COL10A1: variants seen among roughly 807,000 people sequenced by gnomAD.
COL10A1 encodes the protein collagen type X alpha 1 chain, also known as collagen alpha-1(X) chain.
COL10A1 carries 10 observed loss-of-function variants against 18.2 expected under a neutral mutation model. The ratio of observed to expected loss-of-function variants is 0.55; its 90% confidence interval spans 0.34 to 0.93. The LOEUF is 0.93. Ranked by LOEUF, COL10A1 falls within the 40% of genes least tolerant of loss-of-function variation. The pLI, the probability that COL10A1 is intolerant of heterozygous loss-of-function variation, is 0.02. For missense variants in COL10A1, 897 were observed against 853.5 expected (o/e 1.05, Z -0.64); for synonymous variants, 330 against 316.6 (o/e 1.04, Z -0.45).
upstream of COL10A1, among the ~76,000 whole-genome samples, chr6:116,129,153 A>T (rs191930247): frequency 3.0e-3 from 464 of 152,280 alleles, 2 homozygotes; most frequent in African/African-American, 0.01. Flanking sequence ...TCATCATCGT[A>T]TTAAAAAATC....
chr6:116,132,301 G>A (rs1283884239), intron 1 of COL10A1, among the ~76,000 whole-genome samples: 1 of 152,096 alleles, frequency 6.6e-6, no homozygotes, highest in Non-Finnish European at 1.5e-5. Flanking sequence ...TCTCAGTCTA[G>A]TTGTAGTTTT....
the COL10A1 span, among the ~76,000 whole-genome samples, chr6:116,212,772 T>C: frequency 6.6e-6 from 1 of 152,148 alleles, no homozygotes; most frequent in African/African-American, 2.4e-5. Context: ...AATTGATTAT[T>C]ATTTTCAGTT....
chr6:116,122,720 A>G (rs1034327464), intron 2 of COL10A1, among the ~76,000 whole-genome samples: 3 of 152,196 alleles, frequency 2.0e-5, no homozygotes, highest in African/African-American at 7.2e-5. Flanking sequence ...CAGGGTACAG[A>G]TGTTTCTGAG....
the COL10A1 span, among the ~76,000 whole-genome samples, chr6:116,190,410 G>A: frequency 6.6e-6 from 1 of 151,920 alleles, no homozygotes; most frequent in African/African-American, 2.4e-5. Context: ...TAGAAACAGA[G>A]GGGAAATGTG....
chr6:116,203,914 A>G, the COL10A1 span, among the ~76,000 whole-genome samples: 1 of 151,938 alleles, frequency 6.6e-6, no homozygotes, highest in Non-Finnish European at 1.5e-5. Context: ...TATAATTATT[A>G]TCATAATTTA....
chr6:116,213,657 C>G, the COL10A1 span, among the ~76,000 whole-genome samples: 3 of 152,042 alleles, frequency 2.0e-5, no homozygotes, highest in Non-Finnish European at 4.4e-5. Flanking sequence ...AATTTAACAT[C>G]TGTTCTATGT....
At chr6:116,144,374 G>A (rs138260310) in intron 1 of COL10A1, among the ~76,000 whole-genome samples, 2 of 152,022 alleles carry the variant, frequency 1.3e-5, no homozygotes, top group Non-Finnish European at 2.9e-5. Context: ...GATGGTGCAC[G>A]CCTGTAGTCC....
chr6:116,180,381 A>C, the COL10A1 span, among the ~76,000 whole-genome samples: 1 of 152,044 alleles, frequency 6.6e-6, no homozygotes, highest in Non-Finnish European at 1.5e-5. Context: ...TCCAGCTTTT[A>C]AAAAATGAAA....
intron 1 of COL10A1, among the ~76,000 whole-genome samples, chr6:116,139,225 G>T (rs1240165070): frequency 6.6e-6 from 1 of 152,090 alleles, no homozygotes; most frequent in Non-Finnish European, 1.5e-5. Context: ...TCAAAGTGTG[G>T]ATTTTTTGGG....
chr6:116,120,708 C>G lies in COL10A1; in HGVS notation c.1408G>C (p.Gly470Arg). ...PGFPGSKGDP[G>R]SPGPPGPAGI... is the part of the protein sequence containing the mutation. ...GCTGGGCCAGGAGGACCGGGACTTC[C>G]TGGATCCCCTTTAGACCCAGGGAAT... Residue 470 changes from glycine to arginine, a missense_variant, in exon 3 of 3, where the codon GGA (glycine) becomes CGA (arginine). Coordinates refer to ENST00000651968, the MANE Select transcript of COL10A1 (RefSeq NM_000493.4). The G allele has an allele frequency of 6.4e-7, 1 of 1,560,556 alleles. No individual in the cohort carries two copies. Among genetic ancestry groups the G allele is most frequent in the East Asian group, 2.2e-5 (1 of 44,526 alleles).
the COL10A1 span, among the ~76,000 whole-genome samples, chr6:116,200,027 G>C: frequency 6.6e-6 from 1 of 150,448 alleles, no homozygotes; most frequent in Non-Finnish European, 1.5e-5. Context: ...TTTGCAGTGG[G>C]GCAACCTGAC....
At chr6:116,196,044 G>A in the COL10A1 span, among the ~76,000 whole-genome samples, 3 of 152,006 alleles carry the variant, frequency 2.0e-5, no homozygotes, top group East Asian at 3.9e-4. Flanking sequence ...TGGTGTTGTC[G>A]GGTTGTTAAG....
rs189879417 is a variant in COL10A1, at chr6:116,135,903, A to G, written c.-15-10396T>C. On this transcript the variant is annotated intron_variant, in intron 1 of 1. Transcript: ENST00000418500. ...CATACACACACATTGCTAAATGGTT[A>G]CCACAATCAAGCTAATTAACATATC... 5.4e-5 allele frequency among the ~76,000 whole-genome samples: 8 copies of G among 147,410 alleles called. No homozygotes were observed. In the East Asian group the frequency reaches 1.6e-3, roughly 30 times the overall value.
upstream of COL10A1, among the ~76,000 whole-genome samples, chr6:116,126,934 A>G (rs144444768): frequency 6.6e-3 from 1,000 of 152,264 alleles, 15 homozygotes; most frequent in African/African-American, 0.023. Context: ...AGTAAACACT[A>G]TTGTTGTCAA....
the COL10A1 span, among the ~76,000 whole-genome samples, chr6:116,206,584 G>A: frequency 6.6e-6 from 1 of 151,946 alleles, no homozygotes; most frequent in Non-Finnish European, 1.5e-5. Context: ...AAATGGAATA[G>A]CAACTCTCCT....
At chr6:116,167,981 T>G in the COL10A1 span, among the ~76,000 whole-genome samples, 1 of 152,182 alleles carries the variant, frequency 6.6e-6, no homozygotes, top group African/African-American at 2.4e-5. Flanking sequence ...GAAAATTCAG[T>G]TATCAGTATA....
chr6:116,184,001 A>C, the COL10A1 span, among the ~76,000 whole-genome samples: 2 of 151,942 alleles, frequency 1.3e-5, no homozygotes, highest in African/African-American at 2.4e-5. Context: ...ATTGTTTTCA[A>C]CTTTTCCCTG....
chr6:116,196,611 A>T, the COL10A1 span, among the ~76,000 whole-genome samples: 1 of 152,086 alleles, frequency 6.6e-6, no homozygotes, highest in African/African-American at 2.4e-5. Flanking sequence ...AGTTGAGGTC[A>T]GGGGAACAGG....
intron 1 of COL10A1, among the ~76,000 whole-genome samples, chr6:116,155,312 C>A (rs912640801): frequency 5.3e-5 from 8 of 152,160 alleles, no homozygotes; most frequent in East Asian, 3.9e-4. Flanking sequence ...AAATAATAAT[C>A]TTTCTTATTA....
Sources: gnomAD v4.1 joint callset for allele counts (sites outside exome capture counted in the v4.1 genomes callset) on GRCh38, gnomAD v4.1.1 for gene constraint, MANE v1.5 for transcripts, NCBI Gene and HGNC (gene_info 2026-07-23, HGNC 2026-07-21) for gene names.